Variants in CNTN4 observed in about 807,000 individuals in gnomAD.
CNTN4 encodes contactin-4.
Under a neutral mutation model 122.5 loss-of-function variants are expected in CNTN4, and 77 were observed. The ratio of observed to expected loss-of-function variants is 0.63; its 90% CI spans 0.52 to 0.76. CNTN4 has a LOEUF of 0.76. Among genes scored for constraint, CNTN4 ranks in the 30% least tolerant of loss-of-function variants. The pLI is 0.00. For missense variants in CNTN4, 1,256 were observed against 1,259.1 expected (o/e 1.00, Z 0.04); for synonymous variants, 512 against 447.0 (o/e 1.15, Z -1.83).
intron 6 of CNTN4, among the ~76,000 whole-genome samples, chr3:2,792,883 A>G (rs2092056600): frequency 6.6e-6 from 1 of 152,216 alleles, no homozygotes; most frequent in African/African-American, 2.4e-5. Context: ...ATTCTCAAAT[A>G]CCAGTATTTA....
intron 6 of CNTN4, among the ~76,000 whole-genome samples, chr3:2,797,716 T>C (rs1461718267): frequency 6.6e-6 from 1 of 152,198 alleles, no homozygotes; most frequent in Non-Finnish European, 1.5e-5. Context: ...CTCCAAGAGT[T>C]CAATATAGTT....
chr3:2,629,434 A>G (rs1233233247), intron 4 of CNTN4: 2 of 361,534 alleles, frequency 5.5e-6, no homozygotes, highest in East Asian at 1.7e-4. Context: ...TCAAATATTC[A>G]ATTTTCCCAA....
At chr3:2,724,628 A>T (rs868063430) in intron 4 of CNTN4, among the ~76,000 whole-genome samples, 82 of 152,290 alleles carry the variant, frequency 5.4e-4, no homozygotes, top group African/African-American at 1.7e-3. Flanking sequence ...TTAGCTGCCA[A>T]AGAGACAGGT....
chr3:2,356,237 A>C (rs540862104), intron 3 of CNTN4, among the ~76,000 whole-genome samples: 1 of 152,204 alleles, frequency 6.6e-6, no homozygotes, highest in Non-Finnish European at 1.5e-5. Context: ...TTTATTAAGA[A>C]AGTAAAGGAA....
chr3:2,555,088 A>T (rs1368121378), intron 3 of CNTN4, among the ~76,000 whole-genome samples: 2 of 152,242 alleles, frequency 1.3e-5, no homozygotes, highest in African/African-American at 4.8e-5. Flanking sequence ...TAATTTGAGT[A>T]TCTGTGATTC....
intron 3 of CNTN4, among the ~76,000 whole-genome samples, chr3:2,521,627 G>A (rs943329294): frequency 2.6e-5 from 4 of 152,016 alleles, no homozygotes; most frequent in African/African-American, 9.7e-5. Flanking sequence ...GTGCAAAAGA[G>A]CTCTTAGTGC....
intron 6 of CNTN4, among the ~76,000 whole-genome samples, chr3:2,760,333 T>C (rs2090531612): frequency 6.6e-6 from 1 of 152,220 alleles, no homozygotes; most frequent in South Asian, 2.1e-4. Flanking sequence ...CTATCACCCA[T>C]TTTGAGTTAA....
At chr3:2,349,475 G>C (rs368927245) in intron 3 of CNTN4, among the ~76,000 whole-genome samples, 1 of 152,062 alleles carries the variant, frequency 6.6e-6, no homozygotes, top group East Asian at 1.9e-4. Context: ...ATTCCCTTTA[G>C]AGTATCCTCT....
intron 13 of CNTN4, among the ~76,000 whole-genome samples, chr3:2,969,534 T>TTA (rs1692685520): frequency 6.6e-6 from 1 of 151,500 alleles, no homozygotes; most frequent in African/African-American, 2.4e-5. Context: ...TTATTATTAT[T>TTA]ATTATTCCTA....
In CNTN4 at chr3:2,755,522, G is replaced by A. The variant is rs951194430; in HGVS notation, c.358+9825G>A. On this transcript the variant is annotated intron_variant, in intron 6 of 24. Coordinates refer to ENST00000418658, the MANE Select transcript of CNTN4 (RefSeq NM_175607.3). ...AAATAATGATAGTTTCTGCCACTGA[G>A]TATAGTACTAGACAGAAAGACATTA... is the stretch of plus-strand genomic sequence containing the variant. Among the ~76,000 whole-genome samples the A allele has an allele frequency of 3.3e-5, 5 of 152,290 alleles. No individual in the cohort carries two copies. The East Asian group carries it at 9.6e-4, about 29-fold the overall frequency.
At chr3:2,338,482 A>G (rs1020097309) in intron 2 of CNTN4, among the ~76,000 whole-genome samples, 6 of 151,996 alleles carry the variant, frequency 3.9e-5, no homozygotes, top group Admixed American at 6.6e-5. Flanking sequence ...TATTAAAACT[A>G]TAAGACAGTT....
intron 10 of CNTN4, among the ~76,000 whole-genome samples, chr3:2,889,389 T>G (rs953089681): frequency 6.6e-6 from 1 of 152,240 alleles, no homozygotes; most frequent in Non-Finnish European, 1.5e-5. Flanking sequence ...GATGACAGAC[T>G]TGATATTTAA....
intron 3 of CNTN4, among the ~76,000 whole-genome samples, chr3:2,564,079 A>G (rs763513943): frequency 6.6e-6 from 1 of 152,182 alleles, no homozygotes; most frequent in Non-Finnish European, 1.5e-5. Context: ...ATCATCATTC[A>G]TAAAAGAACT....
intron 3 of CNTN4, among the ~76,000 whole-genome samples, chr3:2,549,005 G>A (rs895579952): frequency 5.3e-5 from 8 of 152,114 alleles, no homozygotes; most frequent in African/African-American, 1.9e-4. Context: ...AGGAATGCTT[G>A]TGATTTTGCA....
intron 3 of CNTN4, among the ~76,000 whole-genome samples, chr3:2,447,234 G>C (rs1365575655): frequency 6.6e-6 from 1 of 152,118 alleles, no homozygotes; most frequent in Non-Finnish European, 1.5e-5. Flanking sequence ...CATACAAGGA[G>C]CCTAAGCATA....
chr3:2,734,357 C>A (rs527425999), intron 4 of CNTN4, among the ~76,000 whole-genome samples: 1 of 152,308 alleles, frequency 6.6e-6, no homozygotes, highest in Non-Finnish European at 1.5e-5. Context: ...CCACGATGCC[C>A]AGCCTGTTTT....
rs1020552120 is a variant in CNTN4, at chr3:2,882,874, C to G, written c.653-271C>G. 3 of 386,708 alleles carry G rather than the reference C, an allele frequency of 7.8e-6. No individual in the cohort carries two copies. The Admixed American group carries it at 1.1e-4, about 14-fold the overall frequency. The allele number at this position is 386,708 out of a possible 1,614,324, so 24.0% of individuals were successfully genotyped here. A position where few individuals can be genotyped will look rare whatever the true frequency, so the allele number is the denominator to read the frequency against. On this transcript the variant is annotated intron_variant, in intron 8 of 24. Transcript: ENST00000418658. ...TTCTCCTTTTTTTCCTTAAGACTAC[C>G]TTAAAACAATACTTTTGAGGGGCAA... is the stretch of plus-strand genomic sequence containing the variant.
At chr3:2,932,246 T>C (rs796439318) in intron 13 of CNTN4, among the ~76,000 whole-genome samples, 72 of 152,010 alleles carry the variant, frequency 4.7e-4, no homozygotes, top group African/African-American at 9.6e-4. Context: ...GGCGTGGTGG[T>C]GGGCGCCTGT....
At chr3:2,455,948 C>G (rs1211288544) in intron 3 of CNTN4, among the ~76,000 whole-genome samples, 1 of 151,966 alleles carries the variant, frequency 6.6e-6, no homozygotes, top group Non-Finnish European at 1.5e-5. Context: ...ATATTAAATT[C>G]AAATTGAATT....
Sources: gnomAD v4.1 joint callset for allele counts (sites outside exome capture counted in the v4.1 genomes callset) on GRCh38, gnomAD v4.1.1 for gene constraint, MANE v1.5 for transcripts, NCBI Gene and HGNC (gene_info 2026-07-23, HGNC 2026-07-21) for gene names.